ACVR1C: variants seen among roughly 807,000 people sequenced by gnomAD.
ACVR1C encodes the protein activin A receptor type 1C, also known as activin receptor type-1C.
ACVR1C carries 23 observed loss-of-function variants against 57.9 expected under a neutral mutation model. The ratio of observed to expected loss-of-function variants is 0.40; its 90% CI spans 0.29 to 0.56. The LOEUF is 0.56. ACVR1C is among the 20% of genes least tolerant of loss of function. The pLI is 0.50. For synonymous variants in ACVR1C, 214 were observed against 215.3 expected (o/e 0.99, Z 0.05); for missense variants, 480 against 607.9 (o/e 0.79, Z 2.21).
intron 2 of ACVR1C, among the ~76,000 whole-genome samples, chr2:157,576,640 T>C (rs180963340): frequency 2.8e-4 from 43 of 152,322 alleles, no homozygotes; most frequent in Non-Finnish European, 5.9e-4. Context: ...GTTAGGATGC[T>C]TGCACATATG....
chr2:157,624,212 T>C (rs1682848892), intron 1 of ACVR1C, among the ~76,000 whole-genome samples: 1 of 152,132 alleles, frequency 6.6e-6, no homozygotes. Context: ...TCCAAGCCCC[T>C]TCCCCAAAAT....
At chr2:157,565,286 T>G (rs966547114) in intron 2 of ACVR1C, among the ~76,000 whole-genome samples, 1 of 152,012 alleles carries the variant, frequency 6.6e-6, no homozygotes, top group Non-Finnish European at 1.5e-5. Context: ...GTCACAAACA[T>G]CAACTTTTTT....
At chr2:157,555,308 A>C (rs1048614331) in intron 3 of ACVR1C, among the ~76,000 whole-genome samples, 4 of 149,852 alleles carry the variant, frequency 2.7e-5, no homozygotes, top group Admixed American at 2.0e-4. Flanking sequence ...TTTAGTAGAG[A>C]CGGGGTTTCA....
At chr2:157,566,162 A>G (rs1688369041) in intron 2 of ACVR1C, among the ~76,000 whole-genome samples, 1 of 152,242 alleles carries the variant, frequency 6.6e-6, no homozygotes. Context: ...GAAATATTTT[A>G]GAGTTCTTTT....
At chr2:157,613,377 T>C (rs1041242675) in intron 1 of ACVR1C, among the ~76,000 whole-genome samples, 7 of 152,242 alleles carry the variant, frequency 4.6e-5, no homozygotes, top group Non-Finnish European at 8.8e-5. Flanking sequence ...CCTAATGCTA[T>C]ATAAATAGTT....
chr2:157,548,822 A>G (rs571878336), intron 4 of ACVR1C, among the ~76,000 whole-genome samples: 2 of 152,318 alleles, frequency 1.3e-5, no homozygotes, highest in South Asian at 4.1e-4. Flanking sequence ...CAAGATACAA[A>G]TCATGCTCAA....
rs927619683 is a variant in ACVR1C, at chr2:157,527,332, A to G, written c.*6586T>C. Reference sequence around the variant, plus strand: ...GTCGGCTGAAAGACAATCTTTTTACATACTTAAGAGTATCAGCTAGCTTAC... The same window carrying G: ...GTCGGCTGAAAGACAATCTTTTTACGTACTTAAGAGTATCAGCTAGCTTAC... On this transcript the variant is annotated 3_prime_UTR_variant, in exon 9 of 9. Transcript: ENST00000243349. The G allele has an allele frequency of 1.3e-5, 2 of 152,168 alleles. No individual in the cohort carries two copies. Among genetic ancestry groups the G allele is most frequent in the Non-Finnish European group, 2.9e-5 (2 of 68,018 alleles). The allele number at this position is 152,168 out of a possible 1,614,324, so 9.4% of individuals were successfully genotyped here.
At chr2:157,588,870 T>C (rs1283761758) in intron 1 of ACVR1C, among the ~76,000 whole-genome samples, 26 of 141,176 alleles carry the variant, frequency 1.8e-4, no homozygotes, top group African/African-American at 6.4e-4. Context: ...TATATATATA[T>C]ATATATATAC....
chr2:157,598,631 C>A (rs1288834223), intron 1 of ACVR1C, among the ~76,000 whole-genome samples: 3 of 151,778 alleles, frequency 2.0e-5, no homozygotes, highest in Non-Finnish European at 4.4e-5. Context: ...TCCCCACCTC[C>A]TGGTTTCAAG....
chr2:157,613,527 G>A (rs1045127301), intron 1 of ACVR1C, among the ~76,000 whole-genome samples: 3 of 152,116 alleles, frequency 2.0e-5, no homozygotes, highest in African/African-American at 7.2e-5. Context: ...AGGGCCAACT[G>A]TATAGGATTC....
intron 2 of ACVR1C, among the ~76,000 whole-genome samples, chr2:157,561,569 T>A (rs1040693500): frequency 1.3e-5 from 2 of 152,196 alleles, no homozygotes; most frequent in Admixed American, 6.5e-5. Flanking sequence ...GTGGAAATAA[T>A]ATGTACAGCT....
intron 1 of ACVR1C, among the ~76,000 whole-genome samples, chr2:157,622,736 C>G (rs1291917336): frequency 6.6e-6 from 1 of 152,004 alleles, no homozygotes; most frequent in Non-Finnish European, 1.5e-5. Context: ...CACAGATGCC[C>G]AAAGCAAACA....
chr2:157,551,269 C>T (rs1349266832), intron 3 of ACVR1C, among the ~76,000 whole-genome samples: 1 of 152,080 alleles, frequency 6.6e-6, no homozygotes, highest in African/African-American at 2.4e-5. Flanking sequence ...TGGGGATAAT[C>T]AATATTACGC....
At chr2:157,625,541 C>G (rs1488058407) in intron 1 of ACVR1C, among the ~76,000 whole-genome samples, 2 of 136,192 alleles carry the variant, frequency 1.5e-5, no homozygotes, top group Non-Finnish European at 3.1e-5. Flanking sequence ...TCACTTCCAG[C>G]AACACTGTGG....
At chr2:157,616,401 G>A (rs973598089) in intron 1 of ACVR1C, among the ~76,000 whole-genome samples, 1 of 152,036 alleles carries the variant, frequency 6.6e-6, no homozygotes, top group East Asian at 1.9e-4. Context: ...ATTTCCTTTT[G>A]ACATTTTCTT....
chr2:157,576,646 A>T (rs1688660485), intron 2 of ACVR1C, among the ~76,000 whole-genome samples: 2 of 152,144 alleles, frequency 1.3e-5, no homozygotes, highest in South Asian at 4.1e-4. Context: ...ATGCTTGCAC[A>T]TATGTTCATG....
At chr2:157,543,349 G>C (rs1451117648) in intron 5 of ACVR1C, among the ~76,000 whole-genome samples, 1 of 152,044 alleles carries the variant, frequency 6.6e-6, no homozygotes, top group Non-Finnish European at 1.5e-5. Context: ...CAACATATGA[G>C]AACAGACAGA....
intron 1 of ACVR1C, among the ~76,000 whole-genome samples, chr2:157,608,830 T>C (rs1682465357): frequency 1.3e-5 from 2 of 151,886 alleles, no homozygotes; most frequent in African/African-American, 4.8e-5. Context: ...TATCTCCTTG[T>C]TCACTTCTGA....
At chr2:157,544,202 A>ATTTT (rs765521635) in intron 5 of ACVR1C, among the ~76,000 whole-genome samples, 2 of 116,928 alleles carry the variant, frequency 1.7e-5, no homozygotes, top group Non-Finnish European at 3.6e-5. Context: ...CCACAACCAG[A>ATTTT]TTTTTTTTTT....
Sources: gnomAD v4.1 joint callset for allele counts (sites outside exome capture counted in the v4.1 genomes callset) on GRCh38, gnomAD v4.1.1 for gene constraint, MANE v1.5 for transcripts, NCBI Gene and HGNC (gene_info 2026-07-23, HGNC 2026-07-21) for gene names.